Variants in ZNF454 observed in about 807,000 individuals in gnomAD.
The protein encoded by ZNF454 is zinc finger protein 454.
Under a neutral mutation model 48.2 loss-of-function variants are expected in ZNF454, and 30 were observed. That is an observed-to-expected ratio of 0.62 (90% CI 0.47 to 0.84). The LOEUF is 0.84. Among genes scored for constraint, ZNF454 ranks in the 40% least tolerant of loss-of-function variants. The probability of loss-of-function intolerance (pLI) is 0.00; values close to 1 mark genes in which losing one functional copy is unlikely to be tolerated. For synonymous variants in ZNF454, 204 were observed against 211.4 expected (o/e 0.97, Z 0.30); for missense variants, 510 against 623.1 (o/e 0.82, Z 1.93).
intron 4 of ZNF454, among the ~76,000 whole-genome samples, chr5:178,951,499 A>G (rs1759555579): frequency 6.6e-6 from 1 of 152,196 alleles, no homozygotes; most frequent in South Asian, 2.1e-4. Context: ...TATAGATCTA[A>G]GCAATATTTG....
At chr5:178,987,561 A>G in the ZNF454 span, 158 of 416,604 alleles carry the variant, frequency 3.8e-4, 1 homozygote, top group African/African-American at 2.7e-3. Context: ...CCAGTCACAC[A>G]TGCGCAAATA....
At chr5:178,950,861 CTTT>C (rs560753478) in intron 4 of ZNF454, among the ~76,000 whole-genome samples, 3 of 141,212 alleles carry the variant, frequency 2.1e-5, no homozygotes, top group Admixed American at 7.1e-5. Flanking sequence ...CCATTTCTTT[CTTT>C]TTTTTTTTTT....
chr5:178,980,359 C>T, the ZNF454 span: 1 of 154,362 alleles, frequency 6.5e-6, no homozygotes, highest in Non-Finnish European at 1.5e-5. This position sits in a 1 kb window ranked among gnomAD's most constrained non-coding sequence, Gnocchi z 4.3. Context: ...CATCTGCAGC[C>T]CAAGCCTCTT....
At chr5:178,970,548 T>C (rs1760221578), downstream of ZNF454, among the ~76,000 whole-genome samples, 1 of 152,006 alleles carries the variant, frequency 6.6e-6, no homozygotes, top group Non-Finnish European at 1.5e-5. Flanking sequence ...ACTGTCTTTT[T>C]TTTCTTTCTT....
At chr5:178,975,844 T>A in the ZNF454 span, 2 of 309,416 alleles carry the variant, frequency 6.5e-6, no homozygotes, top group Non-Finnish European at 1.3e-5. Context: ...TAAAGGAGAT[T>A]TACCCCCAAT....
At chr5:178,952,283 C>T (rs972828172) in intron 4 of ZNF454, among the ~76,000 whole-genome samples, 14 of 152,276 alleles carry the variant, frequency 9.2e-5, no homozygotes, top group African/African-American at 2.9e-4. Context: ...GTGATCCGCC[C>T]GCCTCGGCCT....
At chr5:178,981,420 TCC>T in the ZNF454 span, 1 of 519,988 alleles carries the variant, frequency 1.9e-6, no homozygotes, top group Non-Finnish European at 3.5e-6. This position sits in a 1 kb window ranked among gnomAD's most constrained non-coding sequence, Gnocchi z 5.1. Context: ...GGTGGCTGTT[TCC>T]CACCATGGGA....
chr5:178,942,852 T>G, intron 2 of ZNF454, 28 bp downstream of exon 2: 1 of 1,606,894 alleles, frequency 6.2e-7, no homozygotes. Flanking sequence ...CCCCCTAAAT[T>G]GCTTTCTGGA....
At chr5:178,964,213 C>T (rs1007621935) in intron 4 of ZNF454, among the ~76,000 whole-genome samples, 7 of 151,690 alleles carry the variant, frequency 4.6e-5, no homozygotes, top group South Asian at 2.1e-4. Flanking sequence ...CTCCGCCTCC[C>T]GGGTTCACAC....
chr5:178,989,157 A>AAT, the ZNF454 span: 27 of 1,611,352 alleles, frequency 1.7e-5, no homozygotes, highest in African/African-American at 3.6e-4. Flanking sequence ...ATGCCCAGAG[A>AAT]AAGTGTGCCC....
intron 4 of ZNF454, among the ~76,000 whole-genome samples, chr5:178,958,281 C>T (rs1383174569): frequency 3.9e-5 from 6 of 152,094 alleles, no homozygotes; most frequent in Admixed American, 6.5e-5. Context: ...TTTCTTTTGT[C>T]GTAAAGGTAA....
chr5:178,986,500 C>T, the ZNF454 span: 1 of 1,609,742 alleles, frequency 6.2e-7, no homozygotes, highest in Non-Finnish European at 8.5e-7. Flanking sequence ...CGGGGCTGCC[C>T]AGGGGGAGGA....
Position 178,946,336 on chromosome 5 carries a change from G to A in ZNF454, c.34-23G>A. On this transcript the variant is annotated intron_variant, in intron 2 of 4. Coordinates refer to ENST00000519564, the MANE Select transcript of ZNF454 (RefSeq NM_001178089.3). The surrounding 1 kb of genome is among the most constrained non-coding windows in gnomAD (Gnocchi z 4.5). The stretch of plus-strand genomic sequence containing the variant: ...ATGTGCAGGGGTAGCCCCTGGTCAA[G>A]GAGAATGAATTTGCTGTTGCAGGAA... 1 of 1,610,658 alleles carries A rather than the reference G, an allele frequency of 6.2e-7. No individual in the cohort carries two copies.
At chr5:178,975,474 C>T in the ZNF454 span, among the ~76,000 whole-genome samples, 3 of 152,138 alleles carry the variant, frequency 2.0e-5, no homozygotes, top group Non-Finnish European at 4.4e-5. Flanking sequence ...TAAAGGTGTC[C>T]ACTACACTAT....
At chr5:178,985,449 A>G in the ZNF454 span, among the ~76,000 whole-genome samples, 1 of 151,648 alleles carries the variant, frequency 6.6e-6, no homozygotes, top group Non-Finnish European at 1.5e-5. Context: ...CCCGCCTGTC[A>G]TCCCAGCACT....
chr5:178,986,949 G>C, the ZNF454 span: 1 of 1,613,956 alleles, frequency 6.2e-7, no homozygotes. Flanking sequence ...GCGCATCTCC[G>C]TTCTCGTTGA....
At chr5:178,971,925 TTTTGTTTGTTTG>T in the ZNF454 span, among the ~76,000 whole-genome samples, 1 of 151,920 alleles carries the variant, frequency 6.6e-6, no homozygotes, top group Non-Finnish European at 1.5e-5. Flanking sequence ...AAGGTTTGTT[TTTTGTTTGTTTG>T]TTTGTTTGTT....
Position 178,941,565 on chromosome 5 carries a change from G to C in ZNF454, c.-108+121G>C. 1 of 448,806 alleles carries C rather than the reference G, an allele frequency of 2.2e-6. No individual in the cohort carries two copies. Among genetic ancestry groups the C allele is most frequent in the Non-Finnish European group, 4.5e-6 (1 of 222,566 alleles). 27.8% of individuals were successfully genotyped at this position (448,806 alleles called of 1,614,324 possible). ...GCCAGGGCCTCTGGCATGTGTCTTG[G>C]AGCGGACTCCGAGAAGCCCAGGGTT... On this transcript the variant is annotated intron_variant, in intron 1 of 4. Transcript: ENST00000519564. The surrounding 1 kb of genome is among the most constrained non-coding windows in gnomAD (Gnocchi z 5.5).
At chr5:178,985,718 A>AAC in the ZNF454 span, 22 of 420,968 alleles carry the variant, frequency 5.2e-5, 1 homozygote, top group African/African-American at 3.8e-4. Context: ...AAAAAAACAA[A>AAC]ACAACACAGG....
Sources: allele counts gnomAD v4.1 joint callset (sites outside exome capture counted in the v4.1 genomes callset), GRCh38; gene constraint gnomAD v4.1.1; non-coding constraint Gnocchi (gnomAD v3.1); transcripts MANE v1.5; gene names NCBI Gene and HGNC (gene_info 2026-07-23, HGNC 2026-07-21).